Variants in LDAH observed in about 807,000 individuals in gnomAD.
The protein encoded by LDAH is lipid droplet associated hydrolase, also known as lipid droplet-associated hydrolase.
In LDAH, 26 loss-of-function variants were observed where a neutral mutation model predicts 29.6. That is an observed-to-expected ratio of 0.88 (90% CI 0.64 to 1.22). The LOEUF (loss-of-function observed/expected upper bound fraction) is 1.22. Ranked by LOEUF, LDAH falls within the 50% of genes most tolerant of loss-of-function variation. The probability of loss-of-function intolerance (pLI) is 0.00; values close to 1 mark genes in which losing one functional copy is unlikely to be tolerated. For synonymous variants in LDAH, 117 were observed against 133.0 expected, an observed-to-expected ratio of 0.88 and a Z score of 0.83; for missense variants, 344 against 387.3, an observed-to-expected ratio of 0.89 and a Z score of 0.94.
intron 3 of LDAH, among the ~76,000 whole-genome samples, chr2:20,789,875 C>A (rs1028796354): frequency 6.6e-6 from 1 of 152,150 alleles, no homozygotes; most frequent in Non-Finnish European, 1.5e-5. Context: ...AAACCATCCA[C>A]CCCTCCCCAG....
intron 1 of LDAH, among the ~76,000 whole-genome samples, chr2:20,807,364 T>C (rs1234139519): frequency 2.0e-5 from 3 of 152,156 alleles, no homozygotes; most frequent in African/African-American, 7.2e-5. Flanking sequence ...TCCCAACTCA[T>C]TTTATGCAAT....
chr2:20,732,093 A>G (rs1337507590), intron 5 of LDAH, among the ~76,000 whole-genome samples: 1 of 152,146 alleles, frequency 6.6e-6, no homozygotes, highest in Non-Finnish European at 1.5e-5. Flanking sequence ...GTCTTAGAAG[A>G]AAAGCATTCA....
downstream of LDAH, among the ~76,000 whole-genome samples, chr2:20,683,251 T>C (rs1232264211): frequency 2.6e-5 from 4 of 152,194 alleles, no homozygotes; most frequent in Admixed American, 2.0e-4. Context: ...TACCCATGTC[T>C]GTATGGGGCA....
chr2:20,781,090 C>A (rs985802006), intron 3 of LDAH, among the ~76,000 whole-genome samples: 1 of 152,118 alleles, frequency 6.6e-6, no homozygotes, highest in African/African-American at 2.4e-5. Flanking sequence ...AATACAAAAC[C>A]AGCATGATTT....
At chr2:20,703,626 C>T (rs549434109) in intron 5 of LDAH, among the ~76,000 whole-genome samples, 13 of 152,138 alleles carry the variant, frequency 8.5e-5, no homozygotes, top group South Asian at 2.1e-4. Flanking sequence ...CATTTGTTTT[C>T]GTTACAGTTA....
At chr2:20,812,615 G>A (rs1558503314) in intron 1 of LDAH, among the ~76,000 whole-genome samples, 1 of 152,026 alleles carries the variant, frequency 6.6e-6, no homozygotes, top group African/African-American at 2.4e-5. Context: ...GGCAACCCCT[G>A]CTATATTTTG....
intron 1 of LDAH, among the ~76,000 whole-genome samples, chr2:20,802,076 A>G (rs1272952602): frequency 4.6e-5 from 7 of 151,568 alleles, no homozygotes; most frequent in South Asian, 2.1e-4. Flanking sequence ...ATATACATGT[A>G]TATATATATA....
chr2:20,805,550 C>T (rs557016709), intron 1 of LDAH, among the ~76,000 whole-genome samples: 1 of 152,248 alleles, frequency 6.6e-6, no homozygotes, highest in South Asian at 2.1e-4. Context: ...GATAATGGCA[C>T]GCCTTCAGCC....
chr2:20,806,344 C>T (rs114094917), intron 1 of LDAH, among the ~76,000 whole-genome samples: 159 of 152,200 alleles, frequency 1.0e-3, no homozygotes, highest in African/African-American at 3.5e-3. Context: ...TATTGTGCCA[C>T]GATGACACAG....
At chr2:20,749,331 T>C (rs942235498) in intron 4 of LDAH, among the ~76,000 whole-genome samples, 7 of 152,258 alleles carry the variant, frequency 4.6e-5, no homozygotes, top group African/African-American at 1.2e-4. Context: ...GTGCTGATGA[T>C]AGAATACAGG....
chr2:20,713,771 A>T (rs1278798819), intron 5 of LDAH, among the ~76,000 whole-genome samples: 3 of 152,190 alleles, frequency 2.0e-5, no homozygotes, highest in Non-Finnish European at 4.4e-5. Flanking sequence ...ACCAACAAAG[A>T]TCAAAAGAGA....
chr2:20,745,543 T>G (rs755829180), intron 4 of LDAH, among the ~76,000 whole-genome samples: 9 of 152,224 alleles, frequency 5.9e-5, no homozygotes, highest in Non-Finnish European at 1.0e-4. Flanking sequence ...CAACAAAAGA[T>G]AAGCATGTAA....
intron 2 of LDAH, among the ~76,000 whole-genome samples, chr2:20,796,652 T>C (rs1385291722): frequency 6.6e-6 from 1 of 152,176 alleles, no homozygotes; most frequent in Non-Finnish European, 1.5e-5. Flanking sequence ...GGATCAGATA[T>C]GCGTATCACA....
chr2:20,800,387 G>A (rs1671578980), intron 2 of LDAH, among the ~76,000 whole-genome samples: 1 of 152,186 alleles, frequency 6.6e-6, no homozygotes, highest in Admixed American at 6.5e-5. Flanking sequence ...AGAATCAACT[G>A]AAAATCAATA....
Position 20,706,704 on chromosome 2 carries a change from T to TA in LDAH, c.704-5053dup, listed in dbSNP as rs72339311. Among the ~76,000 whole-genome samples, 403 of 118,278 alleles carry TA rather than the reference T, an allele frequency of 3.4e-3. 3 individuals are homozygous for TA. Among genetic ancestry groups the TA allele is most frequent in the South Asian group, 0.012 (47 of 3,944 alleles). The allele number at this position is 118,278 out of a possible 152,430, so 77.6% of individuals were successfully genotyped here. A position where few individuals can be genotyped will look rare whatever the true frequency, so the allele number is the denominator to read the frequency against. On this transcript the variant is annotated intron_variant, in intron 5 of 6. Transcript: ENST00000237822. ...CTCCTACCTAAAATCCTGAAACAAC[T>TA]AAAAAAAAAAAAAAAGATAAAATAC...
intron 5 of LDAH, 104 bp downstream of exon 5, chr2:20,739,866 AC>A: frequency 1.4e-6 from 1 of 733,918 alleles, no homozygotes; most frequent in Non-Finnish European, 2.1e-6. Context: ...GGAAAAAAAA[AC>A]TAGTAAATAA....
Position 20,801,365 on chromosome 2 carries a change from G to A in LDAH, c.99C>T (p.Asp33=), listed in dbSNP as rs1482293898. 1 of 1,614,076 alleles carries A rather than the reference G, an allele frequency of 6.2e-7. No homozygotes were observed. Among genetic ancestry groups the A allele is most frequent in the Admixed American group, 1.7e-5 (1 of 60,002 alleles). The part of the protein sequence containing the change: ...TQVLKCGPWT[D]LFHDQSVKRP... ...TTTTGACACTTTGATCATGAAAGAG[G>A]TCTGTCCAGGGCCCACATTTTAGAA... Residue 33 remains aspartate, a synonymous_variant, in exon 2 of 7, where the codon GAC becomes GAT. Coordinates refer to ENST00000237822, the MANE Select transcript of LDAH (RefSeq NM_021925.4).
In LDAH at chr2:20,686,962, TA is replaced by T; in HGVS notation, c.918del (p.Phe306LeufsTer8). The T allele has an allele frequency of 6.2e-7, 1 of 1,614,098 alleles. No homozygotes were observed. The highest frequency in any genetic ancestry group is 1.1e-5 in the South Asian group (1 of 91,072). On this transcript the variant is annotated frameshift_variant, in exon 7 of 7. Coordinates refer to ENST00000237822, the MANE Select transcript of LDAH (RefSeq NM_021925.4). LOFTEE classifies it high-confidence loss of function. ...GCAATCATGTCTGCCATTTCCTGGT[TA>T]AAATGGGTGATGAAAGCATGAGGTA... is the stretch of plus-strand genomic sequence containing the variant. ...KNIPHAFITH[F>X]NQEMADMIAD... is the part of the protein sequence containing the mutation.
At chr2:20,794,166 G>C (rs1671154874) in intron 2 of LDAH, among the ~76,000 whole-genome samples, 1 of 152,070 alleles carries the variant, frequency 6.6e-6, no homozygotes, top group South Asian at 2.1e-4. Flanking sequence ...AAAAAGAAAG[G>C]GAGTGTGTGC....
Sources: allele counts gnomAD v4.1 joint callset (sites outside exome capture counted in the v4.1 genomes callset), GRCh38; gene constraint gnomAD v4.1.1; transcripts MANE v1.5; gene names NCBI Gene and HGNC (gene_info 2026-07-23, HGNC 2026-07-21).